Variants in PCDHA11 observed in about 807,000 individuals in gnomAD.
The protein encoded by PCDHA11 is protocadherin alpha-11.
Under a neutral mutation model 70.3 loss-of-function variants are expected in PCDHA11, and 61 were observed. The ratio of observed to expected loss-of-function variants is 0.87; its 90% confidence interval spans 0.71 to 1.07. The LOEUF (loss-of-function observed/expected upper bound fraction) is 1.07, where lower values mean the gene tolerates loss of function less well. PCDHA11 is among the 50% of genes least tolerant of loss of function. The pLI is 0.00. For missense variants in PCDHA11, 1,324 were observed against 1,237.5 expected, an observed-to-expected ratio of 1.07 and a Z score of -1.05; for synonymous variants, 633 against 555.1, an observed-to-expected ratio of 1.14 and a Z score of -1.97.
At chr5:140,970,775 C>T (rs2096433002) in intron 1 of PCDHA11, among the ~76,000 whole-genome samples, 1 of 152,160 alleles carries the variant, frequency 6.6e-6, no homozygotes, top group Non-Finnish European at 1.5e-5. Context: ...GCTGTACATA[C>T]ATATTGTATG....
chr5:140,966,149 G>C (rs1347243484), intron 1 of PCDHA11: 1 of 167,682 alleles, frequency 6.0e-6, no homozygotes, highest in Non-Finnish European at 1.3e-5. Flanking sequence ...TTCCTGAATT[G>C]CGCTTGGAGA....
Position 140,870,561 on chromosome 5 carries a change from C to A in PCDHA11, c.1458C>A (p.Asn486Lys), listed in dbSNP as rs544569992. Residue 486 changes from asparagine (N) to lysine (K), a missense_variant, in exon 1 of 4, where the codon AAC becomes AAA. Asn to Lys is a moderately conservative substitution (Grantham distance 94). Transcript: ENST00000398640. ...VSARDADAQE[N>K]ALVSYSLVER... Reference sequence around the variant, plus strand: ...CGCGGGACGCGGACGCGCAGGAGAACGCGCTGGTGTCCTACTCGCTGGTGG... The same window carrying A: ...CGCGGGACGCGGACGCGCAGGAGAAAGCGCTGGTGTCCTACTCGCTGGTGG... 86 of 1,614,010 alleles carry A rather than the reference C, an allele frequency of 5.3e-5. No homozygotes were observed. In the East Asian group the frequency reaches 1.7e-3, roughly 33 times the overall value.
Position 141,012,307 on chromosome 5 carries a change from T to G in PCDHA11, c.*2370T>G, listed in dbSNP as rs369179929. ...CATTTTGAATTGGTGCTATTGGTAT[T>G]TCCTCTGTTATTGCTAATAAATGAA... On this transcript the variant is annotated 3_prime_UTR_variant, in exon 4 of 4. Transcript: ENST00000398640. 1 of 153,794 alleles carries G rather than the reference T, an allele frequency of 6.5e-6. No homozygotes were observed. The highest frequency in any genetic ancestry group is 1.5e-5 in the Non-Finnish European group (1 of 68,040). 9.5% of individuals were successfully genotyped at this position (153,794 alleles called of 1,614,324 possible).
At chr5:140,891,419 C>T (rs925275455) in intron 1 of PCDHA11, among the ~76,000 whole-genome samples, 1 of 147,378 alleles carries the variant, frequency 6.8e-6, no homozygotes, top group African/African-American at 2.5e-5. Flanking sequence ...CACTCTTGCC[C>T]CCAAGTCCCC....
At chr5:140,931,235 C>T (rs1563126725) in intron 1 of PCDHA11, among the ~76,000 whole-genome samples, 1 of 152,116 alleles carries the variant, frequency 6.6e-6, no homozygotes, top group Non-Finnish European at 1.5e-5. Flanking sequence ...AATATGTGAA[C>T]ACTTTTCCTA....
intron 1 of PCDHA11, among the ~76,000 whole-genome samples, chr5:140,898,104 A>G (rs1220718510): frequency 2.0e-5 from 3 of 152,110 alleles, no homozygotes; most frequent in Middle Eastern, 3.4e-3. Flanking sequence ...TTGTCAGATG[A>G]GTAGGTTGCG....
intron 1 of PCDHA11, among the ~76,000 whole-genome samples, chr5:140,961,726 A>ACAAT (rs1470566144): frequency 1.4e-4 from 21 of 152,270 alleles, no homozygotes; most frequent in African/African-American, 4.8e-4. Flanking sequence ...GTGCTCATAA[A>ACAAT]CAATCACTTT....
intron 3 of PCDHA11, among the ~76,000 whole-genome samples, chr5:140,996,730 A>G (rs1271920339): frequency 2.6e-5 from 4 of 152,228 alleles, no homozygotes; most frequent in African/African-American, 9.6e-5. Context: ...AGAAGAAACA[A>G]AAGTCATAAC....
rs782017107 is a variant in PCDHA11 at position 140,968,690 on chromosome 5, A to G, written c.2392-10259A>G. ...TAAGGTAGAGCTGCACACAGGAGAAATTAGGACTACCAGGAAGATGGGAGA... is the reference window on the plus strand; with the variant it reads ...TAAGGTAGAGCTGCACACAGGAGAAGTTAGGACTACCAGGAAGATGGGAGA... On this transcript the variant is annotated intron_variant, in intron 1 of 3. Transcript: ENST00000398640. 60 of 1,614,030 alleles carry G rather than the reference A, an allele frequency of 3.7e-5. No individual in the cohort carries two copies. The highest frequency in any genetic ancestry group is 4.8e-5 in the Non-Finnish European group (57 of 1,180,040).
intron 1 of PCDHA11, chr5:140,882,534 G>A (rs1554174427): frequency 8.7e-6 from 14 of 1,614,086 alleles, no homozygotes; most frequent in Non-Finnish European, 1.1e-5. Flanking sequence ...GTGAATTCTC[G>A]GATCGACCGC....
At chr5:140,890,507 C>G (rs2153430728) in intron 1 of PCDHA11, among the ~76,000 whole-genome samples, 1 of 152,146 alleles carries the variant, frequency 6.6e-6, no homozygotes, top group African/African-American at 2.4e-5. Context: ...TTTTATGTCT[C>G]TATTTCCTTC....
intron 1 of PCDHA11, chr5:140,882,277 T>C: frequency 1.9e-6 from 3 of 1,612,528 alleles, no homozygotes; most frequent in African/African-American, 1.3e-5. Flanking sequence ...CCATGCTGTC[T>C]TCCTGGCAAG....
At chr5:140,924,906 TA>T (rs1284498744) in intron 1 of PCDHA11, among the ~76,000 whole-genome samples, 1 of 55,776 alleles carries the variant, frequency 1.8e-5, no homozygotes, top group African/African-American at 8.7e-5. Flanking sequence ...AAAAAAAAAA[TA>T]AAATAAAATA....
intron 3 of PCDHA11, among the ~76,000 whole-genome samples, chr5:140,999,845 T>C (rs1293721817): frequency 6.6e-6 from 1 of 152,188 alleles, no homozygotes; most frequent in African/African-American, 2.4e-5. Context: ...CAAGTGTATT[T>C]ATCTCTTCCG....
At chr5:140,922,135 C>T (rs550862927) in intron 1 of PCDHA11, among the ~76,000 whole-genome samples, 3 of 152,092 alleles carry the variant, frequency 2.0e-5, no homozygotes, top group African/African-American at 7.2e-5. Context: ...TGTCTCTTAT[C>T]CTCCATGAAA....
intron 1 of PCDHA11, among the ~76,000 whole-genome samples, chr5:140,878,776 T>C (rs1437840291): frequency 2.0e-5 from 3 of 152,226 alleles, no homozygotes; most frequent in Non-Finnish European, 4.4e-5. Flanking sequence ...TGGAATATAG[T>C]ATATGTTCAA....
chr5:140,924,830 G>A (rs1240824600), intron 1 of PCDHA11, among the ~76,000 whole-genome samples: 1 of 151,612 alleles, frequency 6.6e-6, no homozygotes, highest in African/African-American at 2.4e-5. Flanking sequence ...GGGAGGGGGA[G>A]GTTGCAGGGA....
At chr5:140,901,006 C>T (rs2068410974) in intron 1 of PCDHA11, among the ~76,000 whole-genome samples, 2 of 152,070 alleles carry the variant, frequency 1.3e-5, no homozygotes, top group African/African-American at 4.8e-5. Flanking sequence ...AGTATGTCTT[C>T]TTTTGAGAAA....
intron 1 of PCDHA11, chr5:140,927,041 T>C: frequency 6.2e-7 from 1 of 1,612,456 alleles, no homozygotes; most frequent in South Asian, 1.1e-5. Flanking sequence ...GCGGCCGCTA[T>C]GTCCTCGCGG....
Sources: allele counts gnomAD v4.1 joint callset (sites outside exome capture counted in the v4.1 genomes callset), GRCh38; gene constraint gnomAD v4.1.1; transcripts MANE v1.5; gene names NCBI Gene and HGNC (gene_info 2026-07-23, HGNC 2026-07-21).